CTNNA3: variants seen among roughly 807,000 people sequenced by gnomAD.
CTNNA3 encodes catenin alpha-3.
CTNNA3 carries 76 observed loss-of-function variants against 95.7 expected under a neutral mutation model. That is an observed-to-expected ratio of 0.79 (90% CI 0.66 to 0.96). The LOEUF is 0.96. Among genes scored for constraint, CTNNA3 ranks in the 40% least tolerant of loss-of-function variants. The pLI is 0.00. For missense variants in CTNNA3, 1,191 were observed against 1,089.8 expected, an observed-to-expected ratio of 1.09 and a Z score of -1.31; for synonymous variants, 431 against 374.4, an observed-to-expected ratio of 1.15 and a Z score of -1.74.
At chr10:67,131,883 T>C (rs1490558088) in intron 7 of CTNNA3, among the ~76,000 whole-genome samples, 2 of 152,002 alleles carry the variant, frequency 1.3e-5, no homozygotes, top group African/African-American at 2.4e-5. Flanking sequence ...CCTAATACTA[T>C]GAGAAAGAGT....
At chr10:66,283,901 C>T (rs369866092) in intron 12 of CTNNA3, among the ~76,000 whole-genome samples, 1 of 151,770 alleles carries the variant, frequency 6.6e-6, no homozygotes, top group African/African-American at 2.4e-5. Context: ...GGAAGAATAG[C>T]AAATTGACAA....
chr10:67,151,761 T>C (rs1289784321), intron 7 of CTNNA3, among the ~76,000 whole-genome samples: 1 of 152,200 alleles, frequency 6.6e-6, no homozygotes, highest in Non-Finnish European at 1.5e-5. Flanking sequence ...AGTCAGCTCT[T>C]TTCCATGACT....
At chr10:67,413,690 G>C (rs377171781) in intron 5 of CTNNA3, among the ~76,000 whole-genome samples, 1 of 152,022 alleles carries the variant, frequency 6.6e-6, no homozygotes, top group Non-Finnish European at 1.5e-5. Flanking sequence ...CATAAAGCAG[G>C]CCTCAATAAA....
intron 9 of CTNNA3, among the ~76,000 whole-genome samples, chr10:66,683,654 T>C (rs1373571905): frequency 7.1e-6 from 1 of 140,934 alleles, no homozygotes; most frequent in Non-Finnish European, 1.6e-5. Context: ...TGCTCAAAGC[T>C]TTAATACTGT....
At chr10:67,315,841 A>T (rs1841025845) in intron 5 of CTNNA3, among the ~76,000 whole-genome samples, 1 of 152,286 alleles carries the variant, frequency 6.6e-6, no homozygotes, top group Admixed American at 6.5e-5. Flanking sequence ...ATAGAAAATC[A>T]CTAGTGATTG....
intron 7 of CTNNA3, among the ~76,000 whole-genome samples, chr10:66,839,847 C>T (rs541724659): frequency 6.6e-6 from 1 of 152,148 alleles, no homozygotes; most frequent in South Asian, 2.1e-4. Context: ...ATAATTTATA[C>T]ACTTTACTCC....
At chr10:67,311,451 T>C (rs1489207924) in intron 5 of CTNNA3, among the ~76,000 whole-genome samples, 1 of 152,166 alleles carries the variant, frequency 6.6e-6, no homozygotes, top group South Asian at 2.1e-4. Context: ...AAAGCAGATC[T>C]GTGGTTGCCT....
chr10:67,451,374 G>A (rs894486493), intron 5 of CTNNA3, among the ~76,000 whole-genome samples: 25 of 151,904 alleles, frequency 1.6e-4, no homozygotes, highest in Admixed American at 1.4e-3. Context: ...AAGATGTGAT[G>A]TTAGAAACCT....
chr10:66,941,602 T>C (rs1847999760), intron 7 of CTNNA3, among the ~76,000 whole-genome samples: 1 of 152,178 alleles, frequency 6.6e-6, no homozygotes, highest in African/African-American at 2.4e-5. Context: ...ATAAAAGCTA[T>C]TTGTCAAATA....
At chr10:66,229,998 T>A (rs1055954770) in intron 13 of CTNNA3, among the ~76,000 whole-genome samples, 2 of 152,084 alleles carry the variant, frequency 1.3e-5, no homozygotes, top group Non-Finnish European at 2.9e-5. Flanking sequence ...TCTGCTTAAT[T>A]CAGTTCTACT....
chr10:66,534,314 A>G (rs1841572613), intron 10 of CTNNA3, among the ~76,000 whole-genome samples: 1 of 152,136 alleles, frequency 6.6e-6, no homozygotes, highest in Non-Finnish European at 1.5e-5. Flanking sequence ...TTAAGGTAAG[A>G]AAAGCTCTAT....
At chr10:66,524,658 A>G (rs1841186958) in intron 10 of CTNNA3, among the ~76,000 whole-genome samples, 1 of 152,142 alleles carries the variant, frequency 6.6e-6, no homozygotes, top group Admixed American at 6.6e-5. Flanking sequence ...TAAAATCAGA[A>G]CCAGAGGGGG....
intron 13 of CTNNA3, among the ~76,000 whole-genome samples, chr10:66,148,763 G>A (rs1010383390): frequency 6.6e-6 from 1 of 151,940 alleles, no homozygotes; most frequent in Non-Finnish European, 1.5e-5. Context: ...ATAGCAGCAG[G>A]AGCAGGTTCA....
chr10:66,522,086 T>C (rs543647630), intron 10 of CTNNA3, among the ~76,000 whole-genome samples: 7 of 152,264 alleles, frequency 4.6e-5, no homozygotes, highest in African/African-American at 1.7e-4. Flanking sequence ...AATTAGAGCA[T>C]GAATAATATA....
intron 13 of CTNNA3, among the ~76,000 whole-genome samples, chr10:66,225,167 T>C (rs2089204815): frequency 6.6e-6 from 1 of 151,792 alleles, no homozygotes; most frequent in Non-Finnish European, 1.5e-5. Flanking sequence ...TGTAATTTTG[T>C]ATCCATTAAC....
intron 7 of CTNNA3, among the ~76,000 whole-genome samples, chr10:66,776,739 T>C (rs1056687801): frequency 1.3e-5 from 2 of 152,176 alleles, no homozygotes; most frequent in Non-Finnish European, 2.9e-5. Flanking sequence ...CAGGGAGTTC[T>C]TCCAACAACC....
rs533851357 is a variant in CTNNA3, at chr10:66,744,144, G to A, written c.1281+22120C>T. Among the ~76,000 whole-genome samples, 25 of 152,122 alleles carry A rather than the reference G, an allele frequency of 1.6e-4. No homozygotes were observed. In the South Asian group the frequency reaches 2.3e-3, roughly 14 times the overall value. The stretch of plus-strand genomic sequence containing the variant: ...GACCTATGAGCTTCTAAAATGATCC[G>A]AATCCATGCTGAAAAAGGAAACTTT... On this transcript the variant is annotated intron_variant, in intron 9 of 17. Transcript: ENST00000433211.
At chr10:67,503,663 T>G (rs1346061602) in intron 5 of CTNNA3, among the ~76,000 whole-genome samples, 1 of 152,158 alleles carries the variant, frequency 6.6e-6, no homozygotes, top group East Asian at 1.9e-4. Flanking sequence ...ACATATAGAA[T>G]GTATACAAAA....
intron 11 of CTNNA3, among the ~76,000 whole-genome samples, chr10:66,452,023 G>T (rs1378700396): frequency 6.6e-6 from 1 of 152,022 alleles, no homozygotes; most frequent in Admixed American, 6.6e-5. Flanking sequence ...ATTTCTGAAT[G>T]GTTCCCTGGC....
Sources: allele counts gnomAD v4.1 joint callset (sites outside exome capture counted in the v4.1 genomes callset), GRCh38; gene constraint gnomAD v4.1.1; transcripts MANE v1.5; gene names NCBI Gene and HGNC (gene_info 2026-07-23, HGNC 2026-07-21).